Variants in LRBA observed in about 807,000 individuals in gnomAD.
The protein encoded by LRBA is LPS responsive beige-like anchor protein, also known as lipopolysaccharide-responsive and beige-like anchor protein.
In LRBA, 176 loss-of-function variants were observed where a neutral mutation model predicts 330.0. The ratio of observed to expected loss-of-function variants is 0.53; its 90% CI spans 0.47 to 0.60. LRBA has a LOEUF of 0.60. LRBA is among the 20% of genes least tolerant of loss of function. LRBA has a pLI of 0.00. For missense variants in LRBA, 3,259 were observed against 3,444.8 expected, an observed-to-expected ratio of 0.95 and a Z score of 1.35; for synonymous variants, 1,230 against 1,193.0, an observed-to-expected ratio of 1.03 and a Z score of -0.64.
At chr4:150,816,823 A>G (rs981348014) in intron 31 of LRBA, among the ~76,000 whole-genome samples, 1 of 151,990 alleles carries the variant, frequency 6.6e-6, no homozygotes, top group Non-Finnish European at 1.5e-5. Flanking sequence ...AGTGCAGGGA[A>G]AGAAAATAAA....
chr4:150,517,373 T>A (rs1762461317), intron 40 of LRBA, among the ~76,000 whole-genome samples: 1 of 151,860 alleles, frequency 6.6e-6, no homozygotes, highest in African/African-American at 2.4e-5. Flanking sequence ...ATACAAAAAT[T>A]AGCCAGGCAT....
At chr4:150,644,582 A>T (rs543489376) in intron 37 of LRBA, among the ~76,000 whole-genome samples, 45 of 152,062 alleles carry the variant, frequency 3.0e-4, no homozygotes, top group African/African-American at 1.1e-3. Context: ...AATTAAAAAT[A>T]AATAAATAAA....
At chr4:150,978,796 A>T (rs1370623165) in intron 2 of LRBA, among the ~76,000 whole-genome samples, 1 of 152,218 alleles carries the variant, frequency 6.6e-6, no homozygotes, top group African/African-American at 2.4e-5. Flanking sequence ...AGAAAGAATT[A>T]GTAAGCTTGA....
chr4:150,747,836 T>C (rs528796139), intron 35 of LRBA, among the ~76,000 whole-genome samples: 115 of 152,308 alleles, frequency 7.6e-4, no homozygotes, highest in African/African-American at 2.7e-3. Context: ...GTTCTATGAC[T>C]TTTAATCTCA....
chr4:150,729,532 T>C (rs1290075379), intron 36 of LRBA, among the ~76,000 whole-genome samples: 2 of 152,196 alleles, frequency 1.3e-5, no homozygotes, highest in Non-Finnish European at 2.9e-5. Context: ...TCTATGTTTA[T>C]GGATTGGAAA....
intron 42 of LRBA, among the ~76,000 whole-genome samples, chr4:150,479,594 T>A (rs1757070503): frequency 6.6e-6 from 1 of 152,202 alleles, no homozygotes; most frequent in Non-Finnish European, 1.5e-5. Context: ...CTGTGGTAGT[T>A]CTGGAATACA....
chr4:150,481,749 A>G (rs931325949), intron 42 of LRBA, among the ~76,000 whole-genome samples: 5 of 152,126 alleles, frequency 3.3e-5, no homozygotes, highest in Admixed American at 1.3e-4. Context: ...TGCATGTACC[A>G]GTAGTCATTT....
intron 33 of LRBA, among the ~76,000 whole-genome samples, 154 bp downstream of exon 33, chr4:150,806,117 C>T (rs926128527): frequency 5.9e-5 from 9 of 151,870 alleles, no homozygotes; most frequent in Non-Finnish European, 1.3e-4. Context: ...ACATAATAGA[C>T]ATGTGACACA....
intron 37 of LRBA, among the ~76,000 whole-genome samples, chr4:150,619,288 T>C (rs1045411945): frequency 2.0e-5 from 3 of 152,130 alleles, no homozygotes; most frequent in Admixed American, 6.5e-5. Context: ...CTTGAGTTTT[T>C]AAAAACTGAA....
chr4:150,639,381 AAAAC>A (rs1392753277), intron 37 of LRBA, among the ~76,000 whole-genome samples: 2 of 148,908 alleles, frequency 1.3e-5, no homozygotes, highest in African/African-American at 2.4e-5. Context: ...AAGAAAAAAA[AAAAC>A]AAAGAAAAAA....
At chr4:150,877,274 A>AAG (rs1754154299) in intron 17 of LRBA, among the ~76,000 whole-genome samples, 1 of 151,064 alleles carries the variant, frequency 6.6e-6, no homozygotes. Flanking sequence ...AAAAAAAAAA[A>AAG]AGAGAGACCT....
At chr4:150,931,019 A>T (rs540273652) in intron 2 of LRBA, among the ~76,000 whole-genome samples, 1 of 152,334 alleles carries the variant, frequency 6.6e-6, no homozygotes, top group Non-Finnish European at 1.5e-5. Flanking sequence ...ATTAGATTAT[A>T]TTGTCTGTAA....
intron 37 of LRBA, among the ~76,000 whole-genome samples, chr4:150,658,195 TC>T (rs35603094): frequency 0.8 from 121,638 of 151,754 alleles, 52,401 homozygotes; most frequent in Non-Finnish European, 0.95. Context: ...GAAAATAGAT[TC>T]CCCCCCTTCT....
intron 40 of LRBA, among the ~76,000 whole-genome samples, chr4:150,509,283 A>G (rs1007127566): frequency 1.3e-5 from 2 of 152,104 alleles, no homozygotes; most frequent in East Asian, 3.8e-4. Context: ...TGAAAATTAA[A>G]TAGTACACAT....
At chr4:151,004,036 A>G (rs1180850644) in intron 2 of LRBA, among the ~76,000 whole-genome samples, 1 of 151,644 alleles carries the variant, frequency 6.6e-6, no homozygotes, top group East Asian at 1.9e-4. Context: ...CTCCTGCCTC[A>G]GCCTCTCCAG....
At chr4:150,972,976 T>TA (rs1248092715) in intron 2 of LRBA, among the ~76,000 whole-genome samples, 3 of 151,528 alleles carry the variant, frequency 2.0e-5, no homozygotes, top group African/African-American at 7.3e-5. Flanking sequence ...AATTGTCCTT[T>TA]AAAAAAAAAC....
intron 46 of LRBA, among the ~76,000 whole-genome samples, chr4:150,432,890 C>T (rs1750622884): frequency 6.6e-6 from 1 of 151,998 alleles, no homozygotes; most frequent in Non-Finnish European, 1.5e-5. Flanking sequence ...CCTGTATAAC[C>T]ATATATTATA....
At chr4:150,436,997 C>T in intron 44 of LRBA, 133 bp from the exon 45 acceptor site, 1 of 782,958 alleles carries the variant, frequency 1.3e-6, no homozygotes. Context: ...AGCTGCAACA[C>T]AGTATCATAT....
chr4:150,352,888 G>A (rs1243189376), intron 47 of LRBA, among the ~76,000 whole-genome samples: 3 of 152,170 alleles, frequency 2.0e-5, no homozygotes, highest in Non-Finnish European at 4.4e-5. Flanking sequence ...GCAGTCTCAT[G>A]TCACATTAAT....
Sources: gnomAD v4.1 joint callset for allele counts (sites outside exome capture counted in the v4.1 genomes callset) on GRCh38, gnomAD v4.1.1 for gene constraint, MANE v1.5 for transcripts, NCBI Gene and HGNC (gene_info 2026-07-23, HGNC 2026-07-21) for gene names.